Variants in RBFOX1 observed in about 807,000 individuals in gnomAD.
RBFOX1 encodes the protein RNA binding protein fox-1 homolog 1.
Under a neutral mutation model 57.7 loss-of-function variants are expected in RBFOX1, and 8 were observed. The ratio of observed to expected loss-of-function variants is 0.14; its 90% CI spans 0.08 to 0.25. The LOEUF (loss-of-function observed/expected upper bound fraction) is 0.25, where lower values mean the gene tolerates loss of function less well. RBFOX1 is among the 10% of genes least tolerant of loss of function. The probability of loss-of-function intolerance (pLI) is 1.00; values close to 1 mark genes in which losing one functional copy is unlikely to be tolerated. For synonymous variants in RBFOX1, 326 were observed against 222.4 expected, an observed-to-expected ratio of 1.47 and a Z score of -4.15; for missense variants, 611 against 548.5, an observed-to-expected ratio of 1.11 and a Z score of -1.14.
intron 4 of RBFOX1, among the ~76,000 whole-genome samples, chr16:5,943,548 C>G (rs1264347087): frequency 6.6e-6 from 1 of 152,214 alleles, no homozygotes; most frequent in Admixed American, 6.5e-5. Context: ...GGTCAAGACA[C>G]AGCACTGGGA....
intron 3 of RBFOX1, among the ~76,000 whole-genome samples, chr16:6,725,616 C>T (rs1224926157): frequency 6.6e-6 from 1 of 152,170 alleles, no homozygotes; most frequent in African/African-American, 2.4e-5. Context: ...CTTGGGGCTG[C>T]TATGCCTATG....
chr16:6,295,106 T>TGTTTG (rs200612869), intron 1 of RBFOX1, among the ~76,000 whole-genome samples: 3,180 of 15,554 alleles, frequency 0.2, 147 homozygotes, highest in African/African-American at 0.24. Context: ...TGAGTTTTTT[T>TGTTTG]TTTTTTTTTT....
At chr16:6,014,955 A>G (rs903059963), upstream of RBFOX1, among the ~76,000 whole-genome samples, 4 of 151,636 alleles carry the variant, frequency 2.6e-5, no homozygotes, top group Non-Finnish European at 5.9e-5. Flanking sequence ...TCCCAGGCTT[A>G]AGCAATCCCC....
intron 3 of RBFOX1, among the ~76,000 whole-genome samples, chr16:6,903,613 C>G (rs1001780933): frequency 1.3e-5 from 2 of 152,118 alleles, no homozygotes; most frequent in African/African-American, 4.8e-5. Flanking sequence ...TTTCAGTCAA[C>G]CTGTATAAAT....
chr16:6,292,785 G>C (rs17221152), intron 1 of RBFOX1, among the ~76,000 whole-genome samples: 3 of 152,172 alleles, frequency 2.0e-5, no homozygotes, highest in African/African-American at 7.2e-5. Context: ...GGTGTAAAAA[G>C]AGTTGCCTGA....
Position 6,702,399 on chromosome 16 carries a change from C to A in RBFOX1, c.-16+47749C>A, listed in dbSNP as rs116942595. On this transcript the variant is annotated intron_variant, in intron 3 of 15. Coordinates refer to ENST00000550418, the MANE Select transcript of RBFOX1 (RefSeq NM_018723.4). ...TGAAACTCCATCTCTACTAAAAATA[C>A]AAAAATCTGCCTGGCGTGCTGGCAT... Among the ~76,000 whole-genome samples the A allele has an allele frequency of 3.9e-3, 594 of 152,214 alleles. 20 individuals carry two copies. The East Asian group carries it at 0.058, about 15-fold the overall frequency.
At chr16:6,303,853 C>T (rs1057203140) in intron 1 of RBFOX1, among the ~76,000 whole-genome samples, 1 of 142,726 alleles carries the variant, frequency 7.0e-6, no homozygotes, top group South Asian at 2.3e-4. Context: ...ACTGTGTCAC[C>T]AATGCTGGAG....
At chr16:5,986,022 A>G (rs1339609734) in intron 4 of RBFOX1, among the ~76,000 whole-genome samples, 1 of 151,772 alleles carries the variant, frequency 6.6e-6, no homozygotes, top group East Asian at 1.9e-4. Flanking sequence ...TTGGGTACCC[A>G]AAATTCCTCT....
chr16:5,650,027 A>G (rs1328978687), intron 3 of RBFOX1, among the ~76,000 whole-genome samples: 1 of 152,208 alleles, frequency 6.6e-6, no homozygotes, highest in Non-Finnish European at 1.5e-5. Flanking sequence ...TGCTCTCTAC[A>G]TGAAGCATTG....
chr16:6,655,299 T>C (rs1488340759), intron 3 of RBFOX1, among the ~76,000 whole-genome samples: 1 of 138,574 alleles, frequency 7.2e-6, no homozygotes, highest in Non-Finnish European at 1.5e-5. Flanking sequence ...ACTTGATCCT[T>C]GGAGGTGGAG....
At chr16:7,280,877 T>C (rs184284038) in intron 4 of RBFOX1, among the ~76,000 whole-genome samples, 1 of 151,982 alleles carries the variant, frequency 6.6e-6, no homozygotes, top group East Asian at 1.9e-4. Context: ...TATGGCCATA[T>C]TTGTACTCAC....
intron 3 of RBFOX1, among the ~76,000 whole-genome samples, chr16:6,926,261 C>G (rs1326314210): frequency 3.3e-5 from 5 of 152,118 alleles, no homozygotes; most frequent in Admixed American, 6.5e-5. Flanking sequence ...GAGCTGAGAT[C>G]ACACCACTGC....
intron 1 of RBFOX1, among the ~76,000 whole-genome samples, chr16:5,363,295 T>C (rs1052653312): frequency 1.3e-5 from 2 of 152,042 alleles, no homozygotes; most frequent in African/African-American, 2.4e-5. Context: ...TCCACCTTCC[T>C]TGGTCTCCCA....
At chr16:5,631,879 A>G (rs1219286110) in intron 3 of RBFOX1, among the ~76,000 whole-genome samples, 1 of 152,210 alleles carries the variant, frequency 6.6e-6, no homozygotes, top group Non-Finnish European at 1.5e-5. Context: ...ATTTTCTGGG[A>G]TGGACACTGG....
intron 4 of RBFOX1, among the ~76,000 whole-genome samples, chr16:5,888,681 G>A (rs192318839): frequency 6.6e-5 from 10 of 151,746 alleles, no homozygotes; most frequent in East Asian, 1.9e-4. Context: ...TGTAATCCCA[G>A]CTACTCAACA....
intron 2 of RBFOX1, among the ~76,000 whole-genome samples, chr16:6,538,944 G>T (rs2096772810): frequency 6.6e-6 from 1 of 152,134 alleles, no homozygotes; most frequent in Non-Finnish European, 1.5e-5. Context: ...GTTGGAAAGG[G>T]AAGAGTTGTT....
At chr16:6,226,850 C>T (rs1336851542) in intron 1 of RBFOX1, among the ~76,000 whole-genome samples, 1 of 151,536 alleles carries the variant, frequency 6.6e-6, no homozygotes, top group East Asian at 1.9e-4. Context: ...TGCCACACAC[C>T]TGTAATCTCA....
At chr16:5,783,617 A>G (rs957721393) in intron 3 of RBFOX1, among the ~76,000 whole-genome samples, 2 of 152,188 alleles carry the variant, frequency 1.3e-5, no homozygotes, top group Non-Finnish European at 1.5e-5. Flanking sequence ...TTCAGACTTT[A>G]CACACCATTT....
At chr16:6,800,669 C>G (rs755972057) in intron 3 of RBFOX1, among the ~76,000 whole-genome samples, 5 of 152,008 alleles carry the variant, frequency 3.3e-5, no homozygotes, top group Non-Finnish European at 5.9e-5. Context: ...AAATTTTTGC[C>G]TTTTAAATCA....
Sources: allele counts gnomAD v4.1 joint callset (sites outside exome capture counted in the v4.1 genomes callset), GRCh38; gene constraint gnomAD v4.1.1; transcripts MANE v1.5; gene names NCBI Gene and HGNC (gene_info 2026-07-23, HGNC 2026-07-21).